TMX3: variants seen among roughly 807,000 people sequenced by gnomAD.
The protein encoded by TMX3 is protein disulfide-isomerase TMX3.
TMX3 carries 40 observed loss-of-function variants against 64.4 expected under a neutral mutation model. The ratio of observed to expected loss-of-function variants is 0.62; its 90% confidence interval spans 0.48 to 0.81. The LOEUF (loss-of-function observed/expected upper bound fraction) is 0.81, where lower values mean the gene tolerates loss of function less well. Among genes scored for constraint, TMX3 ranks in the 30% least tolerant of loss-of-function variants. The probability of loss-of-function intolerance (pLI) is 0.00; values close to 1 mark genes in which losing one functional copy is unlikely to be tolerated. For synonymous variants in TMX3, 189 were observed against 175.7 expected (o/e 1.08, Z -0.60); for missense variants, 497 against 534.5 (o/e 0.93, Z 0.69).
chr18:68,707,095 C>A (rs1400200073), intron 4 of TMX3, among the ~76,000 whole-genome samples: 2 of 152,084 alleles, frequency 1.3e-5, no homozygotes, highest in Admixed American at 1.3e-4. Flanking sequence ...GATGTATCAC[C>A]AGTACCCTGG....
Position 68,675,655 on chromosome 18 carries a change from A to G in TMX3, c.*1278T>C, listed in dbSNP as rs970862330. The G allele has an allele frequency of 7.9e-5, 12 of 152,206 alleles. No homozygotes were observed. Among genetic ancestry groups the G allele is most frequent in the African/African-American group, 2.9e-4 (12 of 41,464 alleles). The allele number at this position is 152,206 out of a possible 1,614,324, so 9.4% of individuals were successfully genotyped here. On this transcript the variant is annotated 3_prime_UTR_variant, in exon 16 of 16. Coordinates refer to ENST00000299608, the MANE Select transcript of TMX3 (RefSeq NM_019022.5). Reference sequence around the variant, plus strand: ...CTCAATGAATAACCACTCAAATCATAGTTGCCTAATATAAATTCTAAACTT... The same window carrying G: ...CTCAATGAATAACCACTCAAATCATGGTTGCCTAATATAAATTCTAAACTT...
At chr18:68,709,215 G>A (rs892863662) in intron 4 of TMX3, among the ~76,000 whole-genome samples, 2 of 152,122 alleles carry the variant, frequency 1.3e-5, no homozygotes, top group African/African-American at 4.8e-5. Flanking sequence ...AAAAGTAGCA[G>A]GCAGAGCGAG....
intron 4 of TMX3, among the ~76,000 whole-genome samples, chr18:68,704,309 TCAAAA>T (rs1055896896): frequency 2.6e-5 from 4 of 152,182 alleles, no homozygotes; most frequent in Non-Finnish European, 5.9e-5. Context: ...AAATTGCACC[TCAAAA>T]CAAATTTGTG....
In TMX3 at chr18:68,676,890, T is replaced by G. The variant is rs309204; in HGVS notation, c.*43A>C. On this transcript the variant is annotated 3_prime_UTR_variant, in exon 16 of 16. Transcript: ENST00000299608. The stretch of plus-strand genomic sequence containing the variant: ...GTCTAAATTCAATAAATAGACTCTT[T>G]AATAATTTGAAGTCCTAACAAATAT... 6.3e-7 allele frequency: 1 copy of G among 1,575,366 alleles called. No individual in the cohort carries two copies. The highest frequency in any genetic ancestry group is 8.6e-7 in the Non-Finnish European group (1 of 1,162,580).
In TMX3 at chr18:68,680,964, A is replaced by G; in HGVS notation, c.1035+17T>C. The G allele has an allele frequency of 3.8e-6, 6 of 1,560,076 alleles. No homozygotes were observed. The highest frequency in any genetic ancestry group is 5.2e-6 in the Non-Finnish European group (6 of 1,155,112). On this transcript the variant is annotated intron_variant, in intron 14 of 15. Coordinates refer to ENST00000299608, the MANE Select transcript of TMX3 (RefSeq NM_019022.5). ...CCCCTGTCCATCATCTCTTTGAAACAGAAGTGAACAACTTACTTCTACTGT... is the reference window on the plus strand; with the variant it reads ...CCCCTGTCCATCATCTCTTTGAAACGGAAGTGAACAACTTACTTCTACTGT...
intron 8 of TMX3, among the ~76,000 whole-genome samples, chr18:68,693,964 C>A (rs1914799161): frequency 6.6e-6 from 1 of 152,152 alleles, no homozygotes; most frequent in Non-Finnish European, 1.5e-5. Context: ...CTAAGCGAAA[C>A]ACAGACTTGT....
chr18:68,706,659 T>A (rs1171072538), intron 4 of TMX3, among the ~76,000 whole-genome samples: 1 of 152,162 alleles, frequency 6.6e-6, no homozygotes, highest in Non-Finnish European at 1.5e-5. Flanking sequence ...GAGGTATCTA[T>A]GAAACAGCCA....
At chr18:68,702,897 G>T (rs1344716785) in intron 4 of TMX3, among the ~76,000 whole-genome samples, 1 of 152,150 alleles carries the variant, frequency 6.6e-6, no homozygotes, top group African/African-American at 2.4e-5. Context: ...CTTAAACATG[G>T]AGATAGGTAA....
intron 4 of TMX3, among the ~76,000 whole-genome samples, chr18:68,702,032 G>A (rs528446720): frequency 4.2e-4 from 63 of 150,802 alleles, no homozygotes; most frequent in Middle Eastern, 3.4e-3. Flanking sequence ...AGAAATGCAC[G>A]TCAAAAGAAT....
intron 4 of TMX3, among the ~76,000 whole-genome samples, chr18:68,709,133 T>G (rs1389257397): frequency 6.6e-6 from 1 of 152,212 alleles, no homozygotes; most frequent in South Asian, 2.1e-4. Context: ...AAAAGAAGCA[T>G]TATAATTAAG....
chr18:68,695,388 G>C (rs1441996478), intron 8 of TMX3, among the ~76,000 whole-genome samples: 1 of 152,126 alleles, frequency 6.6e-6, no homozygotes, highest in South Asian at 2.1e-4. Context: ...TGTCTGGGAA[G>C]GTTCTTTTAC....
Position 68,676,264 on chromosome 18 carries a change from T to C in TMX3, c.*669A>G, listed in dbSNP as rs1912917512. On this transcript the variant is annotated 3_prime_UTR_variant, in exon 16 of 16. Transcript: ENST00000299608. ...GCTGAAACCTCTACTCAGTAAATCC[T>C]GTTTATTTTGCGAAAGTCAATCACA... 1 of 152,244 alleles carries C rather than the reference T, an allele frequency of 6.6e-6. No individual in the cohort carries two copies. Among genetic ancestry groups the C allele is most frequent in the South Asian group, 2.1e-4 (1 of 4,838 alleles). The allele number at this position is 152,244 out of a possible 1,614,324, so 9.4% of individuals were successfully genotyped here. A position where few individuals can be genotyped will look rare whatever the true frequency, so the allele number is the denominator to read the frequency against.
chr18:68,688,666 G>T (rs536268819), intron 9 of TMX3: 5 of 152,138 alleles, frequency 3.3e-5, no homozygotes, highest in African/African-American at 4.8e-5. Context: ...AAATCTCAAA[G>T]AATTTATTGA....
At position 68,681,065 on chromosome 18, in the gene TMX3, C is replaced by T. The variant is rs771969034; in HGVS notation, c.951G>A (p.Gln317=). Residue 317 remains glutamine, a synonymous_variant, in exon 14 of 16, where the codon CAG becomes CAA. Coordinates refer to ENST00000299608, the MANE Select transcript of TMX3 (RefSeq NM_019022.5). ...PTVVVLNTSN[Q]QYFLLDRQIK... is the part of the protein sequence containing the mutation. ...TCTGTCTATCTAGCAAGAAATATTG[C>T]TGGTTTGAAGTATTCAGTACAACTA... The T allele has an allele frequency of 6.2e-6, 10 of 1,602,158 alleles. No homozygotes were observed. The South Asian group carries it at 6.8e-5, about 11-fold the overall frequency.
chr18:68,690,673 A>C (rs982373725), intron 9 of TMX3, among the ~76,000 whole-genome samples: 1 of 152,248 alleles, frequency 6.6e-6, no homozygotes, highest in African/African-American at 2.4e-5. Context: ...TTTGCTTTAA[A>C]GTACTTCAGC....
intron 13 of TMX3, 120 bp downstream of exon 13, chr18:68,682,805 T>C: frequency 1.4e-6 from 1 of 705,434 alleles, no homozygotes; most frequent in South Asian, 2.9e-5. Flanking sequence ...GGAGAATATC[T>C]GCATCTGAAT....
At chr18:68,683,131 T>C (rs940228195) in intron 12 of TMX3, 150 bp from the exon 13 acceptor site, 4 of 638,804 alleles carry the variant, frequency 6.3e-6, no homozygotes, top group Admixed American at 2.9e-5. Context: ...ACATTTCACA[T>C]GTAAATCATA....
intron 4 of TMX3, among the ~76,000 whole-genome samples, chr18:68,706,598 C>T (rs2030694976): frequency 1.3e-5 from 2 of 152,264 alleles, no homozygotes; most frequent in African/African-American, 4.8e-5. Flanking sequence ...AGATTACATG[C>T]TGAGGAACAG....
At position 68,691,294 on chromosome 18, in the gene TMX3, C is replaced by T; in HGVS notation, c.637+1G>A. 6.3e-7 allele frequency: 1 copy of T among 1,576,142 alleles called. No homozygotes were observed. Among genetic ancestry groups the T allele is most frequent in the Non-Finnish European group, 8.6e-7 (1 of 1,156,210 alleles). On this transcript the variant is annotated splice_donor_variant, in intron 9 of 15. Coordinates refer to ENST00000299608, the MANE Select transcript of TMX3 (RefSeq NM_019022.5). LOFTEE classifies it high-confidence loss of function. ...ACATGAGTTAAAGATTTGGAACTTA[C>T]CATCATAAACAAAGTAAGTTTCATC...
Sources: gnomAD v4.1 joint callset for allele counts (sites outside exome capture counted in the v4.1 genomes callset) on GRCh38, gnomAD v4.1.1 for gene constraint, MANE v1.5 for transcripts, NCBI Gene and HGNC (gene_info 2026-07-23, HGNC 2026-07-21) for gene names.